Variants in ANK3 observed in about 807,000 individuals in gnomAD.
The protein encoded by ANK3 is ankyrin-3.
A neutral mutation model predicts 370.9 loss-of-function variants in ANK3; 57 were observed. That is an observed-to-expected ratio of 0.15 (90% CI 0.12 to 0.19). The LOEUF (loss-of-function observed/expected upper bound fraction) is 0.19, where lower values mean the gene tolerates loss of function less well. ANK3 is among the 10% of genes least tolerant of loss of function. The probability of loss-of-function intolerance (pLI) is 1.00; values close to 1 mark genes in which losing one functional copy is unlikely to be tolerated. For synonymous variants in ANK3, 1,929 were observed against 1,946.3 expected, an observed-to-expected ratio of 0.99 and a Z score of 0.23; for missense variants, 4,439 against 5,302.1, an observed-to-expected ratio of 0.84 and a Z score of 5.06.
chr10:60,320,595 T>C (rs1194036977), intron 1 of ANK3, among the ~76,000 whole-genome samples: 2 of 151,890 alleles, frequency 1.3e-5, no homozygotes, highest in African/African-American at 4.8e-5. Context: ...TGAGACTCCA[T>C]CTCAAAAACA....
intron 7 of ANK3, among the ~76,000 whole-genome samples, chr10:60,247,110 G>T (rs1026327429): frequency 1.3e-5 from 2 of 152,122 alleles, no homozygotes; most frequent in Non-Finnish European, 2.9e-5. Flanking sequence ...CTGCCTCCCA[G>T]GTTCACGCCA....
intron 2 of ANK3, among the ~76,000 whole-genome samples, chr10:60,532,479 C>G (rs201201398): frequency 3.3e-5 from 5 of 152,082 alleles, no homozygotes; most frequent in African/African-American, 1.2e-4. Context: ...GGATCAAGTT[C>G]ACACACAAGA....
At chr10:60,489,219 T>C (rs767435865) in intron 2 of ANK3, among the ~76,000 whole-genome samples, 1 of 152,154 alleles carries the variant, frequency 6.6e-6, no homozygotes, top group Admixed American at 6.5e-5. Context: ...GCTTCTCCAA[T>C]GCACAGTGAA....
At chr10:60,684,463 G>A (rs544858890) in intron 1 of ANK3, 5 of 1,177,102 alleles carry the variant, frequency 4.2e-6, no homozygotes, top group Non-Finnish European at 6.0e-6. Context: ...AAGGCAAGAA[G>A]TAGAAAGCGT....
intron 7 of ANK3, among the ~76,000 whole-genome samples, chr10:60,250,586 C>T (rs952320599): frequency 2.0e-5 from 3 of 152,074 alleles, no homozygotes; most frequent in South Asian, 2.1e-4. Flanking sequence ...AGGATGGTCT[C>T]GATCTCCTGA....
At chr10:60,056,627 T>C (rs2079227538) in intron 41 of ANK3, among the ~76,000 whole-genome samples, 6 of 152,152 alleles carry the variant, frequency 3.9e-5, no homozygotes, top group Admixed American at 3.9e-4. Context: ...AATTCTATCA[T>C]CTTGATGAGT....
chr10:60,171,103 T>C (rs2095778715), intron 21 of ANK3, among the ~76,000 whole-genome samples: 1 of 152,202 alleles, frequency 6.6e-6, no homozygotes, highest in South Asian at 2.1e-4. Context: ...TGAACACTTT[T>C]TTTGAGAACT....
intron 2 of ANK3, among the ~76,000 whole-genome samples, chr10:60,432,262 C>CTT (rs1301397578): frequency 6.6e-6 from 1 of 152,136 alleles, no homozygotes; most frequent in African/African-American, 2.4e-5. Flanking sequence ...CTGGATCTTT[C>CTT]TTTTCTTTTC....
At chr10:60,501,664 C>T (rs1172862916) in intron 2 of ANK3, among the ~76,000 whole-genome samples, 1 of 142,030 alleles carries the variant, frequency 7.0e-6, no homozygotes, top group African/African-American at 2.6e-5. Context: ...GAGATTGTGC[C>T]ACTGCACTGT....
chr10:60,323,349 C>T (rs2049087597), intron 1 of ANK3, among the ~76,000 whole-genome samples: 1 of 152,226 alleles, frequency 6.6e-6, no homozygotes, highest in African/African-American at 2.4e-5. Flanking sequence ...CAGCCTCATA[C>T]ACAGGCCAAG....
intron 1 of ANK3, among the ~76,000 whole-genome samples, chr10:60,622,490 C>G (rs2078351666): frequency 1.3e-5 from 2 of 152,072 alleles, no homozygotes; most frequent in African/African-American, 2.4e-5. Flanking sequence ...ATTCACCTCC[C>G]TCAGCCTCCC....
At chr10:60,601,155 A>G (rs1312428812) in intron 2 of ANK3, among the ~76,000 whole-genome samples, 1 of 147,308 alleles carries the variant, frequency 6.8e-6, no homozygotes, top group Non-Finnish European at 1.5e-5. Context: ...TTACAAAGTC[A>G]TTAAACATTT....
intron 1 of ANK3, among the ~76,000 whole-genome samples, chr10:60,363,000 T>C (rs2132745201): frequency 6.6e-6 from 1 of 151,408 alleles, no homozygotes; most frequent in East Asian, 2.0e-4. Flanking sequence ...TCCCAAGCCG[T>C]TTTCTTTTGC....
intron 2 of ANK3, chr10:60,573,063 A>G (rs2077635495): frequency 2.2e-6 from 2 of 913,846 alleles, no homozygotes. Context: ...ATACTAACAC[A>G]TGTGTTGAAT....
intron 2 of ANK3, among the ~76,000 whole-genome samples, chr10:60,400,189 A>G (rs1038556573): frequency 7.9e-5 from 12 of 152,196 alleles, no homozygotes; most frequent in African/African-American, 2.9e-4. Flanking sequence ...TGAGCTCTTC[A>G]GTCAGACTGG....
At chr10:60,289,696 C>A (rs1255289997) in intron 1 of ANK3, among the ~76,000 whole-genome samples, 2 of 152,070 alleles carry the variant, frequency 1.3e-5, no homozygotes, top group African/African-American at 4.8e-5. Context: ...AGCCTTATGC[C>A]CCCTGCTTTT....
chr10:60,358,905 C>T (rs2058190626), intron 1 of ANK3, among the ~76,000 whole-genome samples: 1 of 151,866 alleles, frequency 6.6e-6, no homozygotes, highest in Non-Finnish European at 1.5e-5. Flanking sequence ...GTCATCTCTT[C>T]TGAGAGGTCT....
At chr10:60,137,498 TA>T in intron 24 of ANK3, 1 of 229,270 alleles carries the variant, frequency 4.4e-6, no homozygotes, top group Non-Finnish European at 8.9e-6. Context: ...ACACTCAGAA[TA>T]TATTTTACTT....
In ANK3 at chr10:60,192,065, T is replaced by C. The variant is rs568663185; in HGVS notation, c.1887+4080A>G. ...CTGGCCACCATGCCCAGCTAATTTT[T>C]GTATTTTTAGTAGAGAAGGGGTTTC... is the stretch of plus-strand genomic sequence containing the variant. On this transcript the variant is annotated intron_variant, in intron 16 of 43. Transcript: ENST00000280772. 7.2e-5 allele frequency among the ~76,000 whole-genome samples: 11 copies of C among 152,192 alleles called. No individual in the cohort carries two copies. The South Asian group carries it at 1.9e-3, about 26-fold the overall frequency.
Sources: allele counts gnomAD v4.1 joint callset (sites outside exome capture counted in the v4.1 genomes callset), GRCh38; gene constraint gnomAD v4.1.1; transcripts MANE v1.5; gene names NCBI Gene and HGNC (gene_info 2026-07-23, HGNC 2026-07-21).